The following ARSB variants were observed in gnomAD, a reference collection of about 807,000 sequenced individuals.
ARSB encodes the protein N-acetylgalactosamine-4-sulfatase.
Under a neutral mutation model 50.9 loss-of-function variants are expected in ARSB, and 41 were observed. The observed-to-expected ratio is 0.81, with a 90% CI of 0.63 to 1.04. The LOEUF (loss-of-function observed/expected upper bound fraction) is 1.04. ARSB is among the 50% of genes least tolerant of loss of function. The probability of loss-of-function intolerance (pLI) is 0.00; values close to 1 mark genes in which losing one functional copy is unlikely to be tolerated. For synonymous variants in ARSB, 269 were observed against 284.8 expected (o/e 0.94, Z 0.56); for missense variants, 672 against 693.3 (o/e 0.97, Z 0.35).
intron 1 of ARSB, among the ~76,000 whole-genome samples, chr5:78,971,356 C>T (rs906333637): frequency 3.3e-5 from 5 of 152,164 alleles, no homozygotes; most frequent in Non-Finnish European, 4.4e-5. Context: ...CACCAGACAC[C>T]AGCCTTCCCC....
At chr5:78,985,501 C>G (rs551077716), upstream of ARSB, 1 of 281,792 alleles carries the variant, frequency 3.5e-6, no homozygotes, top group African/African-American at 2.2e-5. Context: ...TCAGCTGACG[C>G]TTGGAGGGCA....
rs543968843 is a variant in ARSB, at chr5:78,967,203, G to T, written c.499+1803C>A. Among the ~76,000 whole-genome samples, 4 of 152,270 alleles carry T rather than the reference G, an allele frequency of 2.6e-5. No individual in the cohort carries two copies. The East Asian group carries it at 7.7e-4, about 29-fold the overall frequency. On this transcript the variant is annotated intron_variant, in intron 2 of 7. Transcript: ENST00000264914. ...AAACCACCTAACGTATTATTAAAAT[G>T]ACATTTTTAAAGATGTTGTCCACCT...
At chr5:78,889,796 A>G (rs1428901479) in intron 4 of ARSB, among the ~76,000 whole-genome samples, 1 of 152,188 alleles carries the variant, frequency 6.6e-6, no homozygotes, top group East Asian at 1.9e-4. Flanking sequence ...ACTACTCCCC[A>G]AACAATTTAA....
At chr5:78,815,467 T>A in intron 6 of ARSB, 2 of 901,056 alleles carry the variant, frequency 2.2e-6, no homozygotes, top group Non-Finnish European at 2.7e-6. Context: ...AAAGTGTGAC[T>A]TGGCAAATGG....
rs570829120 is a variant in ARSB at position 78,984,725 on chromosome 5, G to A, written c.312+212C>T. Among the ~76,000 whole-genome samples the A allele has an allele frequency of 0.01, 1,574 of 152,126 alleles. 28 individuals carry two copies. The highest frequency in any genetic ancestry group is 0.036 in the African/African-American group (1,486 of 41,536). The stretch of plus-strand genomic sequence containing the variant: ...AACCCGGCGGCCGGGGCGCGGGTCC[G>A]CGGGGCGCCAGAGCCGGGCATGCGC... On this transcript the variant is annotated intron_variant, in intron 1 of 7. Coordinates refer to ENST00000264914, the MANE Select transcript of ARSB (RefSeq NM_000046.5).
chr5:78,905,344 G>GTTTTTTTTTTTT lies in ARSB; in HGVS notation c.899-19529_899-19518dup, dbSNP rs60622885. On this transcript the variant is annotated intron_variant, in intron 4 of 7. Transcript: ENST00000264914. The stretch of plus-strand genomic sequence containing the variant: ...CCTTGAGTACTGCTCGTATTTTCCT[G>GTTTTTTTTTTTT]TTTTTTTTTTTTTGTATAATGAGTA... 1.5e-3 allele frequency among the ~76,000 whole-genome samples: 198 copies of GTTTTTTTTTTTT among 130,530 alleles called. 24 individuals are homozygous for GTTTTTTTTTTTT. Among genetic ancestry groups the GTTTTTTTTTTTT allele is most frequent in the Non-Finnish European group, 1.6e-3 (97 of 62,438 alleles). 85.6% of individuals were successfully genotyped at this position (130,530 alleles called of 152,430 possible). A position where few individuals can be genotyped will look rare whatever the true frequency, so the allele number is the denominator to read the frequency against.
At chr5:78,864,070 G>A (rs977746849) in intron 5 of ARSB, among the ~76,000 whole-genome samples, 1 of 151,714 alleles carries the variant, frequency 6.6e-6, no homozygotes, top group Admixed American at 6.6e-5. Flanking sequence ...TTTAAACCCT[G>A]GGTGAAGTGA....
At chr5:78,925,473 C>A (rs568392454) in intron 4 of ARSB, among the ~76,000 whole-genome samples, 2 of 152,002 alleles carry the variant, frequency 1.3e-5, no homozygotes, top group Admixed American at 6.5e-5. Flanking sequence ...GCAAGGATGC[C>A]TAAATCCTTT....
At chr5:78,897,298 G>C (rs756903592) in intron 4 of ARSB, among the ~76,000 whole-genome samples, 1 of 152,072 alleles carries the variant, frequency 6.6e-6, no homozygotes, top group Non-Finnish European at 1.5e-5. Context: ...ATTGCATCCT[G>C]AGCCCCCTAC....
At chr5:78,867,598 G>C (rs1409008009) in intron 5 of ARSB, among the ~76,000 whole-genome samples, 2 of 152,010 alleles carry the variant, frequency 1.3e-5, no homozygotes, top group Admixed American at 6.6e-5. Context: ...CAGACCTGCA[G>C]CTGAGGGTCC....
At chr5:78,839,500 C>T in intron 5 of ARSB, 74 bp from the exon 6 acceptor site, 1 of 1,363,220 alleles carries the variant, frequency 7.3e-7, no homozygotes, top group South Asian at 1.2e-5. Context: ...ACTTCCCTTC[C>T]TTGTACTTAT....
chr5:78,903,897 C>T (rs1748913502), intron 4 of ARSB, among the ~76,000 whole-genome samples: 1 of 152,126 alleles, frequency 6.6e-6, no homozygotes, highest in Non-Finnish European at 1.5e-5. Flanking sequence ...TGGTGTGCAT[C>T]ATTATGGATT....
chr5:78,864,425 C>T (rs908900192), intron 5 of ARSB, among the ~76,000 whole-genome samples: 7 of 152,098 alleles, frequency 4.6e-5, no homozygotes, highest in Admixed American at 1.3e-4. Flanking sequence ...TTCACTACCA[C>T]GAGAACAGTA....
At chr5:78,790,936 T>C in intron 6 of ARSB, among the ~76,000 whole-genome samples, 1 of 152,246 alleles carries the variant, frequency 6.6e-6, no homozygotes, top group Middle Eastern at 3.2e-3. Context: ...AAAGGATTTA[T>C]GTGTAGAAGC....
chr5:78,959,340 CT>C (rs34955466), intron 3 of ARSB, among the ~76,000 whole-genome samples: 39,670 of 146,872 alleles, frequency 0.27, 6,419 homozygotes, highest in African/African-American at 0.47. Flanking sequence ...TCTCAGGCAG[CT>C]TTTTTTTTTT....
chr5:78,916,885 G>GGAAT (rs1749572555), intron 4 of ARSB, among the ~76,000 whole-genome samples: 1 of 152,194 alleles, frequency 6.6e-6, no homozygotes, highest in Non-Finnish European at 1.5e-5. Flanking sequence ...CCAAGCACAG[G>GGAAT]GAATGATATA....
At chr5:78,827,661 T>C (rs4704525) in intron 6 of ARSB, among the ~76,000 whole-genome samples, 42,069 of 152,148 alleles carry the variant, frequency 0.28, 6,019 homozygotes, top group East Asian at 0.35. Context: ...CAGGACTTCC[T>C]CTTGGTTGAG....
chr5:78,922,869 G>A lies in ARSB; in HGVS notation c.898+32426C>T, dbSNP rs763712360. Among the ~76,000 whole-genome samples the A allele has an allele frequency of 2.0e-5, 3 of 151,890 alleles. No homozygotes were observed. The East Asian group carries it at 5.9e-4, about 30-fold the overall frequency. On this transcript the variant is annotated intron_variant, in intron 4 of 7. Coordinates refer to ENST00000264914, the MANE Select transcript of ARSB (RefSeq NM_000046.5). ...GATCTCCTGACCTCGTGATCCTCCC[G>A]CCTCGGCCTCCCAAAGTGCTGGGAT...
intron 3 of ARSB, among the ~76,000 whole-genome samples, chr5:78,957,748 C>T (rs1425188414): frequency 1.3e-5 from 2 of 151,928 alleles, no homozygotes; most frequent in African/African-American, 2.4e-5. Flanking sequence ...CCAACAGATG[C>T]CCTGCCTGGG....
Sources: gnomAD v4.1 joint callset for allele counts (sites outside exome capture counted in the v4.1 genomes callset) on GRCh38, gnomAD v4.1.1 for gene constraint, MANE v1.5 for transcripts, NCBI Gene and HGNC (gene_info 2026-07-23, HGNC 2026-07-21) for gene names.